ASTN2: variants seen among roughly 807,000 people sequenced by gnomAD.
ASTN2 encodes the protein astrotactin-2.
Under a neutral mutation model 139.8 loss-of-function variants are expected in ASTN2, and 54 were observed. The observed-to-expected ratio is 0.39, with a 90% confidence interval of 0.31 to 0.48. The LOEUF (loss-of-function observed/expected upper bound fraction) is 0.48. Ranked by LOEUF, ASTN2 falls within the 20% of genes least tolerant of loss-of-function variation. The pLI, the probability that ASTN2 is intolerant of heterozygous loss-of-function variation, is 0.95. For synonymous variants in ASTN2, 756 were observed against 719.5 expected (o/e 1.05, Z -0.81); for missense variants, 1,565 against 1,725.1 (o/e 0.91, Z 1.64).
At chr9:117,206,231 T>G (rs4240491) in intron 3 of ASTN2, among the ~76,000 whole-genome samples, 146,813 of 152,250 alleles carry the variant, frequency 0.96, 70,873 homozygotes, top group Non-Finnish European at 0.99. Flanking sequence ...CAATGTAGAG[T>G]CACCCAGCCT....
intron 20 of ASTN2, among the ~76,000 whole-genome samples, chr9:116,447,463 A>T (rs1197813913): frequency 6.6e-6 from 1 of 152,178 alleles, no homozygotes; most frequent in Non-Finnish European, 1.5e-5. Flanking sequence ...AGAATGAATG[A>T]GGTTCATTTC....
intron 19 of ASTN2, among the ~76,000 whole-genome samples, chr9:116,531,084 C>T (rs896538565): frequency 6.6e-6 from 1 of 152,168 alleles, no homozygotes; most frequent in African/African-American, 2.4e-5. Flanking sequence ...AGCTGAGACA[C>T]GTTCTTGGCC....
At chr9:117,115,736 C>A (rs1199936024) in intron 4 of ASTN2, among the ~76,000 whole-genome samples, 1 of 151,360 alleles carries the variant, frequency 6.6e-6, no homozygotes, top group Non-Finnish European at 1.5e-5. Context: ...CAATAAGAGA[C>A]AATTGCTGGC....
At chr9:117,328,339 G>A (rs762948006) in intron 1 of ASTN2, among the ~76,000 whole-genome samples, 2 of 152,096 alleles carry the variant, frequency 1.3e-5, no homozygotes, top group East Asian at 3.9e-4. Context: ...CAGCCTAGGA[G>A]GATAGAATAC....
intron 5 of ASTN2, among the ~76,000 whole-genome samples, chr9:117,057,894 C>T (rs1253428396): frequency 6.6e-6 from 1 of 152,174 alleles, no homozygotes; most frequent in African/African-American, 2.4e-5. Flanking sequence ...ATAAAATAGG[C>T]ATAACTATAA....
intron 11 of ASTN2, among the ~76,000 whole-genome samples, chr9:116,841,554 A>G (rs1362112003): frequency 1.3e-5 from 2 of 152,128 alleles, no homozygotes; most frequent in African/African-American, 4.8e-5. Flanking sequence ...TAAAGATGAA[A>G]TGAGAGGTGA....
chr9:117,088,207 C>T (rs1828617238), intron 5 of ASTN2, among the ~76,000 whole-genome samples: 1 of 152,144 alleles, frequency 6.6e-6, no homozygotes, highest in Admixed American at 6.5e-5. Context: ...GTTGCTGCCT[C>T]TTTCTCCGGC....
In ASTN2 at chr9:116,698,416, G is replaced by A; in HGVS notation, c.2806+27355C>T. ...AATAGTCAAGTGGTAGAGGAGCAGA[G>A]TTACCTGCTTAACATTGCAGAGGTG... On this transcript the variant is annotated intron_variant, in intron 16 of 22. Transcript: ENST00000313400. This position sits in a 1 kb window ranked among gnomAD's most constrained non-coding sequence, Gnocchi z 4.4. The A allele has an allele frequency of 6.2e-7, 1 of 1,614,138 alleles. No homozygotes were observed. Among genetic ancestry groups the A allele is most frequent in the Non-Finnish European group, 8.5e-7 (1 of 1,180,028 alleles).
chr9:116,873,521 C>A (rs1208246543), intron 10 of ASTN2, among the ~76,000 whole-genome samples: 6 of 125,124 alleles, frequency 4.8e-5, no homozygotes, highest in Non-Finnish European at 8.4e-5. Context: ...ATGGTGATAA[C>A]AACATTCACA....
At chr9:116,648,348 C>T (rs1200689762) in intron 17 of ASTN2, among the ~76,000 whole-genome samples, 1 of 152,018 alleles carries the variant, frequency 6.6e-6, no homozygotes, top group Non-Finnish European at 1.5e-5. Context: ...CCAGGCTGGT[C>T]TTGAACCCAC....
At position 116,954,833 on chromosome 9, in the gene ASTN2, T is replaced by C. The variant is rs565317775; in HGVS notation, c.1889+20375A>G. Among the ~76,000 whole-genome samples the C allele has an allele frequency of 3.3e-4, 51 of 152,336 alleles. No homozygotes were observed. In the South Asian group the frequency reaches 9.7e-3, roughly 29 times the overall value. ...AAGTATGGTCCATTGATCAGTAGCA[T>C]GAGCATCCCTTAGGAACTTGTTAGA... On this transcript the variant is annotated intron_variant, in intron 10 of 22. Coordinates refer to ENST00000313400, the MANE Select transcript of ASTN2 (RefSeq NM_001365068.1).
intron 10 of ASTN2, among the ~76,000 whole-genome samples, chr9:116,951,522 G>A (rs1331465703): frequency 6.6e-6 from 1 of 151,984 alleles, no homozygotes; most frequent in East Asian, 1.9e-4. Context: ...AAAGGAGAGG[G>A]AAGGTATGAT....
chr9:117,080,012 T>C (rs905078452), intron 5 of ASTN2, among the ~76,000 whole-genome samples: 1 of 152,232 alleles, frequency 6.6e-6, no homozygotes, highest in African/African-American at 2.4e-5. Context: ...TAGAGTGACT[T>C]ACCAAGGTTC....
At chr9:116,888,029 T>G (rs915770398) in intron 10 of ASTN2, among the ~76,000 whole-genome samples, 2 of 152,200 alleles carry the variant, frequency 1.3e-5, no homozygotes, top group Non-Finnish European at 2.9e-5. Context: ...AATTTCGTAT[T>G]GATAATATAT....
intron 2 of ASTN2, among the ~76,000 whole-genome samples, chr9:117,221,401 A>G (rs1447376113): frequency 6.6e-6 from 1 of 152,184 alleles, no homozygotes. Flanking sequence ...GGAAGCAGAG[A>G]AAGGAAAGAA....
chr9:116,583,385 G>A (rs1854025803), intron 19 of ASTN2: 1 of 152,104 alleles, frequency 6.6e-6, no homozygotes, highest in African/African-American at 2.4e-5. Context: ...AAAGTTAATT[G>A]CTTATTACTT....
chr9:117,240,160 G>T (rs984008002), intron 2 of ASTN2, among the ~76,000 whole-genome samples: 3 of 152,162 alleles, frequency 2.0e-5, no homozygotes, highest in African/African-American at 7.2e-5. Context: ...TAAGTAATCT[G>T]TCTATGGTCA....
At chr9:117,356,240 T>G (rs961408927) in intron 1 of ASTN2, among the ~76,000 whole-genome samples, 1 of 152,234 alleles carries the variant, frequency 6.6e-6, no homozygotes, top group Non-Finnish European at 1.5e-5. Flanking sequence ...AAAGTCTTCA[T>G]CATAAAGTCA....
At chr9:116,810,856 CTTATCAT>C (rs1329657786) in intron 12 of ASTN2, among the ~76,000 whole-genome samples, 2 of 152,056 alleles carry the variant, frequency 1.3e-5, no homozygotes, top group Non-Finnish European at 2.9e-5. Context: ...ATATTTAGCT[CTTATCAT>C]TTATTTCCTT....
Sources: gnomAD v4.1 joint callset for allele counts (sites outside exome capture counted in the v4.1 genomes callset) on GRCh38, gnomAD v4.1.1 for gene constraint, Gnocchi (gnomAD v3.1) non-coding constraint, MANE v1.5 for transcripts, NCBI Gene and HGNC (gene_info 2026-07-23, HGNC 2026-07-21) for gene names.